Variants in KCNH7 observed in about 807,000 individuals in gnomAD.
KCNH7 encodes potassium voltage-gated channel subfamily H member 7.
Under a neutral mutation model 120.8 loss-of-function variants are expected in KCNH7, and 49 were observed. The observed-to-expected ratio is 0.41, with a 90% CI of 0.32 to 0.51. The LOEUF is 0.51. Ranked by LOEUF, KCNH7 falls within the 20% of genes least tolerant of loss-of-function variation. The pLI is 0.38. For synonymous variants in KCNH7, 547 were observed against 516.1 expected (o/e 1.06, Z -0.81); for missense variants, 1,097 against 1,446.6 (o/e 0.76, Z 3.92).
intron 2 of KCNH7, among the ~76,000 whole-genome samples, chr2:162,600,711 A>G (rs1031154217): frequency 3.3e-5 from 5 of 152,116 alleles, no homozygotes; most frequent in African/African-American, 1.2e-4. Context: ...AACACTTCCA[A>G]TACAGACAAA....
chr2:162,634,399 T>C (rs181274066), intron 2 of KCNH7, among the ~76,000 whole-genome samples: 17 of 152,146 alleles, frequency 1.1e-4, no homozygotes, highest in African/African-American at 4.1e-4. Context: ...AAGGGACATA[T>C]TGACAAAGGG....
At chr2:162,474,086 A>C (rs575297753) in intron 6 of KCNH7, among the ~76,000 whole-genome samples, 2 of 152,318 alleles carry the variant, frequency 1.3e-5, no homozygotes, top group South Asian at 4.1e-4. Flanking sequence ...CATAAGAATT[A>C]TCTCATTGAA....
Position 162,698,433 on chromosome 2 carries a change from ATTT to A in KCNH7, c.307+138101_307+138103del, listed in dbSNP as rs34577338. 3.9e-3 allele frequency among the ~76,000 whole-genome samples: 539 copies of A among 139,402 alleles called. 4 individuals are homozygous for A. The highest frequency in any genetic ancestry group is 0.013 in the African/African-American group (517 of 39,932). The allele number at this position is 139,402 out of a possible 152,430, so 91.5% of individuals were successfully genotyped here. A position where few individuals can be genotyped will look rare whatever the true frequency, so the allele number is the denominator to read the frequency against. On this transcript the variant is annotated intron_variant, in intron 2 of 15. Transcript: ENST00000332142. Reference sequence around the variant, plus strand: ...TAGGATAACTTTAATCGCCGTCTTTATTTTTTTTTTTTTAACTTCCATTGCATG... The same window carrying A: ...TAGGATAACTTTAATCGCCGTCTTTATTTTTTTTTTAACTTCCATTGCATG...
intron 5 of KCNH7, among the ~76,000 whole-genome samples, chr2:162,506,819 T>C (rs1230122107): frequency 6.6e-6 from 1 of 151,862 alleles, no homozygotes; most frequent in East Asian, 1.9e-4. Context: ...TATATAAGCA[T>C]GTGATTTCAA....
At chr2:162,517,238 C>T (rs1300422651) in intron 4 of KCNH7, among the ~76,000 whole-genome samples, 1 of 151,712 alleles carries the variant, frequency 6.6e-6, no homozygotes, top group Non-Finnish European at 1.5e-5. Flanking sequence ...TTTTCCCCTT[C>T]ATCCTACCTA....
intron 2 of KCNH7, among the ~76,000 whole-genome samples, chr2:162,767,124 A>T (rs1020418773): frequency 6.6e-6 from 1 of 152,288 alleles, no homozygotes; most frequent in Middle Eastern, 3.4e-3. Context: ...TTTAACCCAT[A>T]TCATATTCAT....
At chr2:162,451,436 A>G (rs1251135596) in intron 6 of KCNH7, among the ~76,000 whole-genome samples, 1 of 152,088 alleles carries the variant, frequency 6.6e-6, no homozygotes, top group Non-Finnish European at 1.5e-5. Flanking sequence ...CTTGTATCAA[A>G]TCAAACCAAA....
At chr2:162,405,033 T>C (rs180857139) in intron 9 of KCNH7, among the ~76,000 whole-genome samples, 60 of 152,176 alleles carry the variant, frequency 3.9e-4, no homozygotes, top group Non-Finnish European at 7.2e-4. Flanking sequence ...AGAATTCATT[T>C]AAGGTAAATA....
At chr2:162,575,467 C>T (rs182191666) in intron 2 of KCNH7, among the ~76,000 whole-genome samples, 3 of 152,138 alleles carry the variant, frequency 2.0e-5, no homozygotes, top group Admixed American at 2.0e-4. Flanking sequence ...ACCTGCCTGC[C>T]GCAATTCCTG....
At chr2:162,396,679 G>T in intron 11 of KCNH7, 61 bp downstream of exon 11, 1 of 1,220,088 alleles carries the variant, frequency 8.2e-7, no homozygotes, top group South Asian at 1.4e-5. Flanking sequence ...AAGTATTTGT[G>T]CAATTCAAGA....
At chr2:162,774,785 G>A (rs1683175017) in intron 2 of KCNH7, among the ~76,000 whole-genome samples, 1 of 152,110 alleles carries the variant, frequency 6.6e-6, no homozygotes, top group Non-Finnish European at 1.5e-5. Context: ...ATATTTTGGT[G>A]TCTTTCGAGT....
intron 2 of KCNH7, among the ~76,000 whole-genome samples, chr2:162,679,425 T>C (rs1224099568): frequency 3.3e-5 from 5 of 151,636 alleles, no homozygotes; most frequent in Admixed American, 6.6e-5. Flanking sequence ...ATTATTTGCA[T>C]GTTATGCTTT....
At chr2:162,433,964 A>T (rs1688154862) in intron 8 of KCNH7, among the ~76,000 whole-genome samples, 1 of 152,090 alleles carries the variant, frequency 6.6e-6, no homozygotes, top group Non-Finnish European at 1.5e-5. Context: ...ACTGAAGAAG[A>T]CATGGAATCA....
intron 6 of KCNH7, among the ~76,000 whole-genome samples, chr2:162,470,537 G>A (rs1439528586): frequency 2.0e-5 from 3 of 152,008 alleles, no homozygotes; most frequent in Non-Finnish European, 4.4e-5. Flanking sequence ...GAAGTGAGGA[G>A]CGTCTCCGCC....
intron 2 of KCNH7, among the ~76,000 whole-genome samples, chr2:162,588,808 T>C (rs550611029): frequency 1.1e-4 from 16 of 152,220 alleles, no homozygotes; most frequent in Non-Finnish European, 2.2e-4. Flanking sequence ...TGCAGTGGTA[T>C]AGAACATTAG....
rs76806909 is a variant in KCNH7 at position 162,688,376 on chromosome 2, T to A, written c.307+148161A>T. 4.0e-4 allele frequency among the ~76,000 whole-genome samples: 61 copies of A among 152,250 alleles called. 2 individuals carry two copies. In the East Asian group the frequency reaches 0.012, roughly 29 times the overall value. ...AGCTCTACTGGCACATTTCCATAACTGCGTAGTTGTACACTATGCCTAGAA... is the reference window on the plus strand; with the variant it reads ...AGCTCTACTGGCACATTTCCATAACAGCGTAGTTGTACACTATGCCTAGAA... On this transcript the variant is annotated intron_variant, in intron 2 of 15. Transcript: ENST00000332142.
chr2:162,570,118 T>A (rs2105896766), intron 2 of KCNH7, among the ~76,000 whole-genome samples: 1 of 149,360 alleles, frequency 6.7e-6, no homozygotes, highest in East Asian at 2.0e-4. Flanking sequence ...CTGTCTAATG[T>A]TGATAGTGGG....
chr2:162,396,576 T>C (rs929003354), intron 11 of KCNH7, among the ~76,000 whole-genome samples, 164 bp downstream of exon 11: 2 of 152,026 alleles, frequency 1.3e-5, no homozygotes, highest in South Asian at 4.1e-4. Flanking sequence ...ATTTCTTTCC[T>C]ATAATTCAGA....
chr2:162,527,055 G>C (rs147791328), intron 3 of KCNH7, among the ~76,000 whole-genome samples: 1 of 151,900 alleles, frequency 6.6e-6, no homozygotes, highest in African/African-American at 2.4e-5. Context: ...CTGACTTCCC[G>C]CAACATTTTC....
Sources: gnomAD v4.1 joint callset for allele counts (sites outside exome capture counted in the v4.1 genomes callset) on GRCh38, gnomAD v4.1.1 for gene constraint, MANE v1.5 for transcripts, NCBI Gene and HGNC (gene_info 2026-07-23, HGNC 2026-07-21) for gene names.